Variants in NKAIN3 observed in about 807,000 individuals in gnomAD.
NKAIN3 encodes sodium/potassium transporting ATPase interacting 3.
A neutral mutation model predicts 30.2 loss-of-function variants in NKAIN3; 25 were observed. The observed-to-expected ratio is 0.83, with a 90% CI of 0.60 to 1.16. NKAIN3 has a LOEUF of 1.16. NKAIN3 is among the 50% of genes most tolerant of loss of function. The pLI is 0.00. For missense variants in NKAIN3, 225 were observed against 254.1 expected (o/e 0.89, Z 0.78); for synonymous variants, 91 against 89.6 (o/e 1.02, Z -0.09).
chr8:62,883,107 G>T (rs1446011854), intron 4 of NKAIN3, among the ~76,000 whole-genome samples: 1 of 152,094 alleles, frequency 6.6e-6, no homozygotes, highest in Non-Finnish European at 1.5e-5. Context: ...TAACTTTCTG[G>T]GATTTTGATT....
intron 3 of NKAIN3, among the ~76,000 whole-genome samples, chr8:62,718,938 T>C (rs1326620780): frequency 6.6e-6 from 1 of 152,198 alleles, no homozygotes; most frequent in Non-Finnish European, 1.5e-5. Context: ...TATCTGACCC[T>C]GTGGTAGGCA....
chr8:62,364,413 C>T (rs1407541301), intron 1 of NKAIN3, among the ~76,000 whole-genome samples: 1 of 152,022 alleles, frequency 6.6e-6, no homozygotes, highest in Admixed American at 6.6e-5. Flanking sequence ...TGTAGCAAAA[C>T]CAGTGGTCTT....
At chr8:62,500,435 AAGAAAGAAAGAAAG>A (rs1807393190) in intron 1 of NKAIN3, among the ~76,000 whole-genome samples, 1 of 91,630 alleles carries the variant, frequency 1.1e-5, no homozygotes, top group Admixed American at 1.1e-4. Context: ...GAAAGAAAGA[AAGAAAGAAAGAAAG>A]AAAGAAAGAA....
rs1025120749 is a variant in NKAIN3, at chr8:62,733,306, C to T, written c.274-13626C>T. On this transcript the variant is annotated intron_variant, in intron 3 of 6. Transcript: ENST00000623646. ...ATAATATTTATGGGAATTTGCCTAT[C>T]TTCTAGGACCTTCTTTCTTCCTGAA... is the stretch of plus-strand genomic sequence containing the variant. 4.6e-5 allele frequency among the ~76,000 whole-genome samples: 7 copies of T among 152,166 alleles called. No homozygotes were observed. The South Asian group carries it at 6.2e-4, about 14-fold the overall frequency.
intron 1 of NKAIN3, among the ~76,000 whole-genome samples, chr8:62,528,413 A>T (rs1454718389): frequency 6.7e-6 from 1 of 149,802 alleles, no homozygotes; most frequent in Non-Finnish European, 1.5e-5. Context: ...TAAAAATGCC[A>T]GTTTGTCACT....
At chr8:62,848,908 C>G (rs1007482056) in intron 4 of NKAIN3, among the ~76,000 whole-genome samples, 1 of 152,110 alleles carries the variant, frequency 6.6e-6, no homozygotes, top group African/African-American at 2.4e-5. Context: ...TTTTCTGCAT[C>G]TATTGAGATA....
intron 1 of NKAIN3, among the ~76,000 whole-genome samples, chr8:62,316,139 T>C (rs1477050752): frequency 6.6e-6 from 1 of 152,116 alleles, no homozygotes; most frequent in Non-Finnish European, 1.5e-5. Context: ...TTGTAAGTTT[T>C]CTGAGGCCTC....
chr8:62,303,267 G>A (rs1353466810), intron 1 of NKAIN3, among the ~76,000 whole-genome samples: 1 of 150,424 alleles, frequency 6.6e-6, no homozygotes, highest in Non-Finnish European at 1.5e-5. Context: ...TCCACAGTGT[G>A]AGCAAATTTC....
chr8:62,863,794 A>C (rs1820332727), intron 4 of NKAIN3: 1 of 1,611,212 alleles, frequency 6.2e-7, no homozygotes, highest in Non-Finnish European at 8.5e-7. Context: ...GCCCCCATCC[A>C]AGCTTTCTAA....
chr8:62,879,700 C>A (rs548787198), intron 4 of NKAIN3, among the ~76,000 whole-genome samples: 1 of 152,258 alleles, frequency 6.6e-6, no homozygotes, highest in East Asian at 1.9e-4. Flanking sequence ...AATGCTCCCA[C>A]CTAACAGAGG....
intron 3 of NKAIN3, among the ~76,000 whole-genome samples, chr8:62,703,948 A>G (rs949622575): frequency 1.3e-5 from 2 of 152,106 alleles, no homozygotes; most frequent in African/African-American, 4.8e-5. Context: ...CTCTCTGTTC[A>G]TATACTCTAA....
At chr8:62,671,777 T>C (rs1813313349) in intron 3 of NKAIN3, among the ~76,000 whole-genome samples, 1 of 152,076 alleles carries the variant, frequency 6.6e-6, no homozygotes, top group African/African-American at 2.4e-5. Flanking sequence ...TTTTTTTTCC[T>C]CCTTCTATGG....
intron 5 of NKAIN3, among the ~76,000 whole-genome samples, chr8:62,937,355 C>G (rs576221544): frequency 6.6e-6 from 1 of 152,140 alleles, no homozygotes; most frequent in Non-Finnish European, 1.5e-5. Context: ...ACTGTGAGTG[C>G]CCAAAGTGTG....
At chr8:62,990,222 T>C (rs372779756) in intron 5 of NKAIN3, 18 of 1,557,532 alleles carry the variant, frequency 1.2e-5, no homozygotes, top group African/African-American at 6.8e-5. Context: ...CTGCAAATTA[T>C]TGAATAAGCA....
At chr8:62,459,159 T>C (rs1200898265) in intron 1 of NKAIN3, among the ~76,000 whole-genome samples, 1 of 152,102 alleles carries the variant, frequency 6.6e-6, no homozygotes, top group Non-Finnish European at 1.5e-5. Flanking sequence ...TGATCTGATC[T>C]AGGCCAGACT....
chr8:62,955,681 G>A (rs367785543), intron 6 of NKAIN3, among the ~76,000 whole-genome samples: 2 of 152,262 alleles, frequency 1.3e-5, no homozygotes, highest in East Asian at 1.9e-4. Flanking sequence ...AAAACTTGAC[G>A]CCCATGTACC....
intron 4 of NKAIN3, among the ~76,000 whole-genome samples, chr8:62,816,899 C>T (rs1157474847): frequency 6.6e-6 from 1 of 152,118 alleles, no homozygotes; most frequent in Non-Finnish European, 1.5e-5. Flanking sequence ...CAGGCAGCTC[C>T]CTAGTCTGGG....
At chr8:62,481,130 C>T (rs544421918) in intron 1 of NKAIN3, among the ~76,000 whole-genome samples, 1 of 152,100 alleles carries the variant, frequency 6.6e-6, no homozygotes, top group Non-Finnish European at 1.5e-5. Context: ...TAAATCCTCC[C>T]CGATCTAGAT....
chr8:62,858,592 G>A (rs965303147), intron 4 of NKAIN3, among the ~76,000 whole-genome samples: 4 of 152,204 alleles, frequency 2.6e-5, no homozygotes, highest in Admixed American at 2.6e-4. Context: ...CCCAATGAGG[G>A]GGAATGGTTT....
Sources: gnomAD v4.1 joint callset for allele counts (sites outside exome capture counted in the v4.1 genomes callset) on GRCh38, gnomAD v4.1.1 for gene constraint, MANE v1.5 for transcripts, NCBI Gene and HGNC (gene_info 2026-07-23, HGNC 2026-07-21) for gene names.